The following IL1RAPL2 variants were observed in gnomAD, a reference collection of about 807,000 sequenced individuals.
IL1RAPL2 encodes interleukin 1 receptor accessory protein like 2, also known as X-linked interleukin-1 receptor accessory protein-like 2.
A neutral mutation model predicts 44.1 loss-of-function variants in IL1RAPL2; 3 were observed. That is an observed-to-expected ratio of 0.07 (90% CI 0.03 to 0.18). The LOEUF (loss-of-function observed/expected upper bound fraction) is 0.18. Among genes scored for constraint, IL1RAPL2 ranks in the 10% least tolerant of loss-of-function variants. The pLI is 1.00. For missense variants in IL1RAPL2, 391 were observed against 496.4 expected (o/e 0.79, Z 2.02); for synonymous variants, 181 against 178.8 (o/e 1.01, Z -0.10).
chrX:105,519,888 T>A (rs1460623287), intron 6 of IL1RAPL2, among the ~76,000 whole-genome samples: 1 of 111,743 alleles, frequency 8.9e-6, no homozygotes, highest in Non-Finnish European at 1.9e-5. Context: ...ACCCTATTTT[T>A]TACTTTAAAC....
Position 104,834,023 on chromosome X carries a change from A to G in IL1RAPL2, c.82+175028A>G, listed in dbSNP as rs1921676845. Among the ~76,000 whole-genome samples, 6 of 111,626 alleles carry G rather than the reference A, an allele frequency of 5.4e-5. No homozygotes were observed. The Admixed American group carries it at 5.7e-4, about 11-fold the overall frequency. Reference sequence around the variant, plus strand: ...ATTGGAATCTCAGTTTGCTAACCCAAACAAAGGAACCACTAATCTTTTGGT... The same window carrying G: ...ATTGGAATCTCAGTTTGCTAACCCAGACAAAGGAACCACTAATCTTTTGGT... On this transcript the variant is annotated intron_variant, in intron 2 of 10. Transcript: ENST00000372582.
At chrX:105,142,386 T>A (rs2033132965) in intron 2 of IL1RAPL2, among the ~76,000 whole-genome samples, 1 of 111,454 alleles carries the variant, frequency 9.0e-6, no homozygotes. Flanking sequence ...TTTTGTGCTG[T>A]TCATTTCTCC....
In IL1RAPL2 at chrX:104,752,300, T is replaced by A. The variant is rs746935522; in HGVS notation, c.82+93305T>A. ...GTGAGAGTGTGTGTGTGTGTGTGTG[T>A]GAGAGAGAGAGAGGCTCTAATTGAT... On this transcript the variant is annotated intron_variant, in intron 2 of 10. Coordinates refer to ENST00000372582, the MANE Select transcript of IL1RAPL2 (RefSeq NM_017416.2). 3.8e-3 allele frequency among the ~76,000 whole-genome samples: 418 copies of A among 108,757 alleles called. 1 individual carries two copies. Among genetic ancestry groups the A allele is most frequent in the African/African-American group, 8.7e-3 (261 of 30,034 alleles). The allele number at this position is 108,757 out of a possible 115,157, so 94.4% of individuals were successfully genotyped here.
intron 2 of IL1RAPL2, among the ~76,000 whole-genome samples, chrX:104,747,229 T>A (rs1207127478): frequency 1.8e-5 from 2 of 111,431 alleles, no homozygotes; most frequent in African/African-American, 6.5e-5. Flanking sequence ...ATCTGCTCCA[T>A]GGAGACTTTC....
intron 3 of IL1RAPL2, chrX:105,220,254 G>C: frequency 8.3e-7 from 1 of 1,211,647 alleles, no homozygotes. Context: ...CCCTCAGCTT[G>C]TCTTCCACCT....
At chrX:104,949,895 G>GT (rs895343837) in intron 2 of IL1RAPL2, among the ~76,000 whole-genome samples, 1 of 111,383 alleles carries the variant, frequency 9.0e-6, no homozygotes, top group Non-Finnish European at 1.9e-5. Flanking sequence ...TGTATATTCT[G>GT]TTTTTTTGGG....
In IL1RAPL2 at chrX:104,680,090, A is replaced by C. The variant is rs777254870; in HGVS notation, c.82+21095A>C. ...TTTCAATCCAGCCTTTTCCCAGTGT[A>C]GGAATCCCATTGAGAGCACACCATG... On this transcript the variant is annotated intron_variant, in intron 2 of 10. Transcript: ENST00000372582. Among the ~76,000 whole-genome samples the C allele has an allele frequency of 1.8e-3, 197 of 112,153 alleles. 1 individual carries two copies. Among genetic ancestry groups the C allele is most frequent in the African/African-American group, 6.0e-3 (184 of 30,885 alleles).
intron 6 of IL1RAPL2, among the ~76,000 whole-genome samples, chrX:105,518,369 A>G (rs1168664116): frequency 1.8e-5 from 2 of 111,599 alleles, no homozygotes; most frequent in African/African-American, 6.5e-5. Flanking sequence ...GTAAAATAGT[A>G]TAATTAGCAA....
intron 4 of IL1RAPL2, among the ~76,000 whole-genome samples, chrX:105,251,320 T>C (rs146285764): frequency 0.02 from 2,213 of 110,015 alleles, 61 homozygotes; most frequent in African/African-American, 0.07. Context: ...TTTCCCAAAA[T>C]GCTTGGAGAT....
intron 6 of IL1RAPL2, among the ~76,000 whole-genome samples, chrX:105,594,555 A>AT (rs1295759455): frequency 1.8e-5 from 2 of 111,324 alleles, no homozygotes; most frequent in Non-Finnish European, 3.8e-5. Flanking sequence ...TATTATTCTT[A>AT]TTTTTTTAAT....
chrX:105,389,075 TTG>T (rs1602389768), intron 5 of IL1RAPL2, among the ~76,000 whole-genome samples: 1 of 112,074 alleles, frequency 8.9e-6, no homozygotes, highest in Admixed American at 9.5e-5. Context: ...GAAGATTATT[TTG>T]TGTCTTCCCA....
intron 7 of IL1RAPL2, among the ~76,000 whole-genome samples, chrX:105,719,639 T>G (rs1602538002): frequency 1.8e-5 from 2 of 110,793 alleles, no homozygotes; most frequent in Non-Finnish European, 3.8e-5. Flanking sequence ...AAATTGACCA[T>G]AGTGATAGTT....
At chrX:105,680,363 T>G (rs1194350282) in intron 6 of IL1RAPL2, among the ~76,000 whole-genome samples, 2 of 112,244 alleles carry the variant, frequency 1.8e-5, no homozygotes, top group African/African-American at 3.2e-5. Flanking sequence ...GGAAGTGACC[T>G]TCCTTACTCA....
At chrX:104,648,510 G>A (rs1039235193) in intron 1 of IL1RAPL2, among the ~76,000 whole-genome samples, 5 of 112,134 alleles carry the variant, frequency 4.5e-5, no homozygotes, top group Non-Finnish European at 7.5e-5. Flanking sequence ...TAAATTTTGA[G>A]AAGACTATTG....
chrX:105,616,902 G>C (rs2037381106), intron 6 of IL1RAPL2, among the ~76,000 whole-genome samples: 1 of 109,982 alleles, frequency 9.1e-6, no homozygotes, highest in Non-Finnish European at 1.9e-5. Context: ...ATGGACTTGA[G>C]AGTTACTCAG....
chrX:104,995,350 T>A (rs550234930), intron 2 of IL1RAPL2, among the ~76,000 whole-genome samples: 2 of 111,916 alleles, frequency 1.8e-5, no homozygotes, highest in East Asian at 2.8e-4. Context: ...GTTTAATAAG[T>A]GGCTATTAAA....
At chrX:104,953,051 G>C (rs1433582950) in intron 2 of IL1RAPL2, among the ~76,000 whole-genome samples, 1 of 111,962 alleles carries the variant, frequency 8.9e-6, no homozygotes, top group East Asian at 2.8e-4. Context: ...GATTCTGAAG[G>C]AAATTGCAAA....
At position 105,233,802 on chromosome X, in the gene IL1RAPL2, T is replaced by A; in HGVS notation, c.357-16T>A. ...ACACCCAATAAAGCCATTTTGTTAT[T>A]TCTCTGTTCCTACAGAAACTCAACA... On this transcript the variant is annotated splice_polypyrimidine_tract_variant and intron_variant, in intron 3 of 10. Coordinates refer to ENST00000372582, the MANE Select transcript of IL1RAPL2 (RefSeq NM_017416.2). 2.5e-6 allele frequency: 3 copies of A among 1,179,579 alleles called. No homozygotes were observed. Among genetic ancestry groups the A allele is most frequent in the Non-Finnish European group, 3.4e-6 (3 of 875,209 alleles).
At chrX:104,936,108 T>G (rs1216340926) in intron 2 of IL1RAPL2, among the ~76,000 whole-genome samples, 1 of 111,897 alleles carries the variant, frequency 8.9e-6, no homozygotes, top group Non-Finnish European at 1.9e-5. Context: ...TCATTGATAC[T>G]ATGCTTTTCC....
Sources: allele counts gnomAD v4.1 joint callset (sites outside exome capture counted in the v4.1 genomes callset), GRCh38; gene constraint gnomAD v4.1.1; transcripts MANE v1.5; gene names NCBI Gene and HGNC (gene_info 2026-07-23, HGNC 2026-07-21).